The following TAF4 variants were observed in gnomAD, a reference collection of about 807,000 sequenced individuals.
TAF4 encodes TATA-box binding protein associated factor 4, also known as transcription initiation factor TFIID subunit 4.
Under a neutral mutation model 90.3 loss-of-function variants are expected in TAF4, and 9 were observed. That is an observed-to-expected ratio of 0.10 (90% CI 0.06 to 0.17). TAF4 has a LOEUF of 0.17. TAF4 is among the 10% of genes least tolerant of loss of function. TAF4 has a pLI of 1.00. For missense variants in TAF4, 1,351 were observed against 1,370.7 expected (o/e 0.99, Z 0.23); for synonymous variants, 818 against 638.9 (o/e 1.28, Z -4.23).
intron 14 of TAF4, among the ~76,000 whole-genome samples, chr20:61,993,113 GA>G (rs1485001624): frequency 6.6e-6 from 1 of 152,178 alleles, no homozygotes; most frequent in Non-Finnish European, 1.5e-5. Context: ...AGTAGTGGAG[GA>G]AGAGTCTCCA....
In TAF4 at chr20:62,006,623, G is replaced by A. The variant is rs750428794; in HGVS notation, c.2110C>T (p.Arg704Cys). 6.3e-5 allele frequency: 101 copies of A among 1,604,372 alleles called. No individual in the cohort carries two copies. Among genetic ancestry groups the A allele is most frequent in the Non-Finnish European group, 7.9e-5 (93 of 1,175,494 alleles). ...GTGGCCGCCGTCTTCCCGGCCGTGC[G>A]CTGGACCGAGCTACTCAGCACCACG... ...TAVVLSSSVQ[R>C]TAGKTAATVT... Residue 704 changes from arginine (R) to cysteine (C), a missense_variant, in exon 7 of 15, where the codon CGC becomes TGC. By Grantham distance (180) the Arg-to-Cys change is radical (BLOSUM62 -3). Transcript: ENST00000252996. This position sits in a 1 kb window ranked among gnomAD's most constrained non-coding sequence, Gnocchi z 7.0.
At position 62,014,641 on chromosome 20, in the gene TAF4, A is replaced by C. The variant is rs1403460411; in HGVS notation, c.1427T>G (p.Met476Arg). ...LMIPQQALAQMQAQAHAQPQT... is the reference protein window; with the variant it reads ...LMIPQQALAQRQAQAHAQPQT... ...AGGCTGGGCATGGGCCTGCGCCTGC[A>C]TCTGGGCCAAGGCCTGCTGAGGAAT... Residue 476 changes from methionine (M) to arginine (R), a missense_variant, in exon 2 of 15, where the codon ATG becomes AGG. This residue lies in a region of TAF4 where 143 missense variants were observed against 176.3 expected (regional missense o/e 0.81). Transcript: ENST00000252996. 2 of 1,614,078 alleles carry C rather than the reference A, an allele frequency of 1.2e-6. No homozygotes were observed. Among genetic ancestry groups the C allele is most frequent in the Non-Finnish European group, 1.7e-6 (2 of 1,180,006 alleles).
intron 3 of TAF4, among the ~76,000 whole-genome samples, chr20:62,011,053 C>T (rs1042550256): frequency 2.6e-5 from 4 of 152,170 alleles, no homozygotes; most frequent in South Asian, 2.1e-4. Context: ...AGCTCTCTCC[C>T]GGTGGGTGCA....
In TAF4 at chr20:62,006,456, G is replaced by A. The variant is rs984665312; in HGVS notation, c.2223+54C>T. 4 of 1,362,480 alleles carry A rather than the reference G, an allele frequency of 2.9e-6. No individual in the cohort carries two copies. The highest frequency in any genetic ancestry group is 3.8e-6 in the Non-Finnish European group (4 of 1,054,590). The allele number at this position is 1,362,480 out of a possible 1,614,324, so 84.4% of individuals were successfully genotyped here. On this transcript the variant is annotated intron_variant, in intron 7 of 14. Coordinates refer to ENST00000252996, the MANE Select transcript of TAF4 (RefSeq NM_003185.4). This position sits in a 1 kb window ranked among gnomAD's most constrained non-coding sequence, Gnocchi z 7.0. The stretch of plus-strand genomic sequence containing the variant: ...CGTGGCCAATTTATCTAAGAAGCGG[G>A]CGGGAGCAGAGGCACGGTGGGCTGT...
At chr20:62,046,615 G>T (rs932584406) in intron 1 of TAF4, among the ~76,000 whole-genome samples, 12 of 152,200 alleles carry the variant, frequency 7.9e-5, no homozygotes, top group African/African-American at 2.9e-4. Flanking sequence ...GGACACTTCG[G>T]TTCTTTCCAA....
At chr20:61,990,209 C>T (rs1001195639) in intron 14 of TAF4, among the ~76,000 whole-genome samples, 2 of 152,152 alleles carry the variant, frequency 1.3e-5, no homozygotes, top group Non-Finnish European at 2.9e-5. Context: ...TGAAAAAGTA[C>T]AGGAGTGCAC....
At chr20:61,994,029 C>T (rs897573999) in intron 14 of TAF4, among the ~76,000 whole-genome samples, 1 of 151,840 alleles carries the variant, frequency 6.6e-6, no homozygotes. Context: ...GGGATTACAA[C>T]GTTCTAGTTC....
In TAF4 at chr20:62,026,746, A is replaced by G. The variant is rs551132212; in HGVS notation, c.1361-12039T>C. On this transcript the variant is annotated intron_variant, in intron 1 of 14. Transcript: ENST00000252996. ...CTCCGCAGGCAGAAATGGGGCCTCCACCAACCCACCCACGGCTTGCTGCCG... is the reference window on the plus strand; with the variant it reads ...CTCCGCAGGCAGAAATGGGGCCTCCGCCAACCCACCCACGGCTTGCTGCCG... Among the ~76,000 whole-genome samples, 7 of 152,264 alleles carry G rather than the reference A, an allele frequency of 4.6e-5. No homozygotes were observed. In the East Asian group the frequency reaches 1.2e-3, roughly 25 times the overall value.
chr20:61,984,039 G>T (rs1053323600), intron 14 of TAF4, among the ~76,000 whole-genome samples: 1 of 152,202 alleles, frequency 6.6e-6, no homozygotes, highest in Admixed American at 6.5e-5. Flanking sequence ...CGCAGGAGAT[G>T]CGACGAGACA....
In TAF4 at chr20:62,009,190, A is replaced by G. The variant is rs746959091; in HGVS notation, c.1762-16T>C. ...CCATAGTTTCCTGGATTAAAGTAAA[A>G]AGATATAAGTGAAAAATCTTAAAAG... On this transcript the variant is annotated splice_polypyrimidine_tract_variant and intron_variant, in intron 4 of 14. Transcript: ENST00000252996. 21 of 1,592,204 alleles carry G rather than the reference A, an allele frequency of 1.3e-5. No homozygotes were observed. The highest frequency in any genetic ancestry group is 1.7e-5 in the Non-Finnish European group (20 of 1,171,818).
intron 1 of TAF4, among the ~76,000 whole-genome samples, chr20:62,051,244 C>T (rs6061988): frequency 0.55 from 83,392 of 151,728 alleles, 23,324 homozygotes; most frequent in Middle Eastern, 0.68. Flanking sequence ...CCCCGGCCTG[C>T]GCCCCAGCCA....
rs1202188047 is a variant in TAF4 at position 62,064,791 on chromosome 20, C to T, written c.1020G>A (p.Pro340=). 2.9e-6 allele frequency: 3 copies of T among 1,029,018 alleles called. No homozygotes were observed. The highest frequency in any genetic ancestry group is 2.3e-6 in the Non-Finnish European group (2 of 860,660). 63.7% of individuals were successfully genotyped at this position (1,029,018 alleles called of 1,614,324 possible). A position where few individuals can be genotyped will look rare whatever the true frequency, so the allele number is the denominator to read the frequency against. The part of the protein sequence containing the change: ...GPGAAAAAPA[P]GVKAESPKRV... ...TCTTGGGCGACTCGGCCTTGACCCC[C>T]GGCGCCGGCGCCGCAGCCGCCGCGC... The change falls in exon 1 of 15, where the codon CCG becomes CCA. Residue 340 remains proline (P), a synonymous_variant. Transcript: ENST00000252996.
chr20:62,054,061 C>T (rs1356567842), intron 1 of TAF4, among the ~76,000 whole-genome samples: 3 of 152,240 alleles, frequency 2.0e-5, no homozygotes, highest in African/African-American at 7.2e-5. Flanking sequence ...GCCACACAGA[C>T]CCACCCCAGT....
chr20:62,025,981 G>A lies in TAF4; in HGVS notation c.1361-11274C>T, dbSNP rs191636043. 1.8e-3 allele frequency among the ~76,000 whole-genome samples: 278 copies of A among 152,268 alleles called. 2 individuals carry two copies. Among genetic ancestry groups the A allele is most frequent in the African/African-American group, 5.9e-3 (245 of 41,552 alleles). ...TCACCAGTCACTTTACATGTGCTCA[G>A]TTTATTGCTGTGGATCACACCCCAG... On this transcript the variant is annotated intron_variant, in intron 1 of 14. Coordinates refer to ENST00000252996, the MANE Select transcript of TAF4 (RefSeq NM_003185.4).
Position 61,994,735 on chromosome 20 carries a change from G to A in TAF4, c.3090+2815C>T, listed in dbSNP as rs539149228. ...CTCATCAGGTCACTACCCTGACCCT[G>A]TCCCAGAGTGCACCTGCATACCAAG... On this transcript the variant is annotated intron_variant, in intron 14 of 14. Coordinates refer to ENST00000252996, the MANE Select transcript of TAF4 (RefSeq NM_003185.4). Among the ~76,000 whole-genome samples the A allele has an allele frequency of 1.2e-4, 19 of 152,330 alleles. No individual in the cohort carries two copies. In the South Asian group the frequency reaches 3.9e-3, roughly 32 times the overall value.
chr20:62,036,314 C>G (rs535783380), intron 1 of TAF4, among the ~76,000 whole-genome samples: 5 of 152,216 alleles, frequency 3.3e-5, no homozygotes, highest in Non-Finnish European at 7.3e-5. Context: ...CGTGAGCCAC[C>G]GCGCCTGGCT....
At chr20:62,045,014 C>A (rs1645867013) in intron 1 of TAF4, among the ~76,000 whole-genome samples, 3 of 152,202 alleles carry the variant, frequency 2.0e-5, no homozygotes, top group Admixed American at 2.0e-4. Context: ...GAAAAGAGGC[C>A]ACCTTGAGTG....
chr20:62,010,968 CA>C lies in TAF4; in HGVS notation c.1642-804del, dbSNP rs533041599. Among the ~76,000 whole-genome samples, 237 of 152,276 alleles carry C rather than the reference CA, an allele frequency of 1.6e-3. 1 individual carries two copies. The highest frequency in any genetic ancestry group is 5.5e-3 in the African/African-American group (229 of 41,554). On this transcript the variant is annotated intron_variant, in intron 3 of 14. Transcript: ENST00000252996. The surrounding 1 kb of genome is among the most constrained non-coding windows in gnomAD (Gnocchi z 4.5). ...TCTAGCAGTCAACATTTTCTGTCTCCAATTTTTTAAACACTCCTTTGCAACT... is the reference window on the plus strand; with the variant it reads ...TCTAGCAGTCAACATTTTCTGTCTCCATTTTTTAAACACTCCTTTGCAACT...
chr20:62,030,498 C>T (rs1051349441), intron 1 of TAF4, among the ~76,000 whole-genome samples: 4 of 152,224 alleles, frequency 2.6e-5, no homozygotes, highest in Admixed American at 6.5e-5. Context: ...GTGCCCATTT[C>T]GGCTTTTTCT....
Sources: allele counts gnomAD v4.1 joint callset (sites outside exome capture counted in the v4.1 genomes callset), GRCh38; gene constraint gnomAD v4.1.1; regional missense constraint gnomAD v4.1.1; non-coding constraint Gnocchi (gnomAD v3.1); transcripts MANE v1.5; gene names NCBI Gene and HGNC (gene_info 2026-07-23, HGNC 2026-07-21).